Variants in TAFA2 observed in about 807,000 individuals in gnomAD.
The protein encoded by TAFA2 is chemokine-like protein TAFA-2.
Under a neutral mutation model 18.8 loss-of-function variants are expected in TAFA2, and 7 were observed. The observed-to-expected ratio is 0.37, with a 90% CI of 0.21 to 0.70. TAFA2 has a LOEUF of 0.70. TAFA2 is among the 30% of genes least tolerant of loss of function. The pLI is 0.53. For synonymous variants in TAFA2, 60 were observed against 54.2 expected (o/e 1.11, Z -0.47); for missense variants, 122 against 158.1 (o/e 0.77, Z 1.23).
chr12:62,225,579 C>A (rs1250701659), intron 1 of TAFA2, among the ~76,000 whole-genome samples: 1 of 151,682 alleles, frequency 6.6e-6, no homozygotes, highest in Non-Finnish European at 1.5e-5. Flanking sequence ...AAAGCTATTG[C>A]AACATACAAA....
chr12:61,928,255 T>C (rs765489221), intron 1 of TAFA2, among the ~76,000 whole-genome samples: 2 of 152,192 alleles, frequency 1.3e-5, no homozygotes, highest in Non-Finnish European at 2.9e-5. Context: ...TTTTGCAATC[T>C]ATCCATCTGA....
intron 1 of TAFA2, among the ~76,000 whole-genome samples, chr12:62,136,915 C>G (rs1870918492): frequency 6.6e-6 from 1 of 152,064 alleles, no homozygotes; most frequent in South Asian, 2.1e-4. Context: ...TGCATATGCA[C>G]AGAATTTTTC....
intron 1 of TAFA2, among the ~76,000 whole-genome samples, chr12:62,159,416 C>T (rs916083638): frequency 3.3e-5 from 5 of 152,088 alleles, no homozygotes; most frequent in Admixed American, 2.0e-4. Flanking sequence ...TCTTAAGTAT[C>T]TTGTAAGATG....
chr12:61,992,636 T>G (rs1264647491), intron 1 of TAFA2, among the ~76,000 whole-genome samples: 3 of 152,142 alleles, frequency 2.0e-5, no homozygotes, highest in African/African-American at 7.2e-5. Context: ...ATCTTCACCA[T>G]ATACCTAAGG....
chr12:61,814,080 G>A lies in TAFA2; in HGVS notation c.106+53240C>T, dbSNP rs1871981388. Among the ~76,000 whole-genome samples the A allele has an allele frequency of 2.6e-5, 4 of 151,446 alleles. 1 individual carries two copies. The highest frequency in any genetic ancestry group is 4.1e-4 in the South Asian group (2 of 4,826). On this transcript the variant is annotated intron_variant, in intron 2 of 4. Coordinates refer to ENST00000416284, the MANE Select transcript of TAFA2 (RefSeq NM_178539.5). ...GCAAACAATAAGCAGAATCATTGCA[G>A]TTGTGACTATTTCAATAAGGGAAAT...
chr12:61,938,928 G>A (rs765615500), intron 1 of TAFA2, among the ~76,000 whole-genome samples: 1 of 151,806 alleles, frequency 6.6e-6, no homozygotes, highest in Non-Finnish European at 1.5e-5. Flanking sequence ...GGAGGTGGGT[G>A]AGGGATTAAA....
chr12:62,057,232 G>T (rs1882211287), intron 1 of TAFA2, among the ~76,000 whole-genome samples: 1 of 151,978 alleles, frequency 6.6e-6, no homozygotes, highest in Admixed American at 6.6e-5. Context: ...TCCCCCTTTT[G>T]TTTAAGTTCT....
rs2062579529 is a variant in TAFA2, at chr12:62,185,428, C to T, written c.-2+5831G>A. ...TTTCACTCAATTTGACTCAACTTTC[C>T]AAAGAAAATACAAACAAAGCTGGAG... On this transcript the variant is annotated intron_variant, in intron 1 of 4. Transcript: ENST00000416284. Among the ~76,000 whole-genome samples, 3 of 152,030 alleles carry T rather than the reference C, an allele frequency of 2.0e-5. No homozygotes were observed. The South Asian group carries it at 6.2e-4, about 31-fold the overall frequency.
At chr12:62,252,068 C>T (rs770722999) in intron 1 of TAFA2, 3 of 152,234 alleles carry the variant, frequency 2.0e-5, no homozygotes, top group Non-Finnish European at 4.4e-5. Flanking sequence ...TCAATATATG[C>T]TTCCTGATCT....
At chr12:62,147,336 A>G (rs905230124) in intron 1 of TAFA2, among the ~76,000 whole-genome samples, 10,348 of 68,270 alleles carry the variant, frequency 0.15, 782 homozygotes, top group Middle Eastern at 0.2. Context: ...GTATATATAT[A>G]TATATATATA....
intron 2 of TAFA2, among the ~76,000 whole-genome samples, chr12:61,760,071 A>T (rs10877740): frequency 0.44 from 56,217 of 128,568 alleles, 11,637 homozygotes; most frequent in African/African-American, 0.56. Flanking sequence ...TTTCCTGCCC[A>T]GTGCTTTTTT....
At position 62,191,455 on chromosome 12, in the gene TAFA2, G is replaced by C. The variant is rs1486473315; in HGVS notation, c.-198C>G. ...TGAGTGTGGCCCTGAGCGTGCGAGT[G>C]TGCGCGCGCGTGTGTGGATGTGTTT... On this transcript the variant is annotated 5_prime_UTR_variant, in exon 1 of 5. Transcript: ENST00000416284. 1 of 152,642 alleles carries C rather than the reference G, an allele frequency of 6.6e-6. No individual in the cohort carries two copies. Among genetic ancestry groups the C allele is most frequent in the African/African-American group, 2.4e-5 (1 of 41,472 alleles). The allele number at this position is 152,642 out of a possible 1,614,324, so 9.5% of individuals were successfully genotyped here. A position where few individuals can be genotyped will look rare whatever the true frequency, so the allele number is the denominator to read the frequency against.
chr12:62,084,154 T>C (rs1303681181), intron 1 of TAFA2, among the ~76,000 whole-genome samples: 2 of 152,224 alleles, frequency 1.3e-5, no homozygotes, highest in Non-Finnish European at 2.9e-5. Flanking sequence ...GCTACATTTT[T>C]CCAACATTTC....
chr12:61,842,089 A>AT (rs990646495), intron 2 of TAFA2, among the ~76,000 whole-genome samples: 6 of 150,532 alleles, frequency 4.0e-5, no homozygotes, highest in South Asian at 2.1e-4. Flanking sequence ...CCATAAGGAC[A>AT]TTTTTTTTTC....
intron 1 of TAFA2, among the ~76,000 whole-genome samples, chr12:62,197,979 G>A (rs2062655705): frequency 6.6e-6 from 1 of 152,132 alleles, no homozygotes; most frequent in African/African-American, 2.4e-5. Flanking sequence ...GAAATGAAAT[G>A]GCTGGATCAT....
rs371642637 is a variant in TAFA2 at position 61,915,706 on chromosome 12, G to A, written c.-1-48280C>T. Among the ~76,000 whole-genome samples the A allele has an allele frequency of 2.6e-5, 4 of 152,318 alleles. 1 individual carries two copies. The South Asian group carries it at 8.3e-4, about 32-fold the overall frequency. On this transcript the variant is annotated intron_variant, in intron 1 of 4. Coordinates refer to ENST00000416284, the MANE Select transcript of TAFA2 (RefSeq NM_178539.5). Reference sequence around the variant, plus strand: ...AGGGGAAGTTTAAGTCCCAGACTCCGAAAGCCTGATAGTCTGCAGCTCTGA... The same window carrying A: ...AGGGGAAGTTTAAGTCCCAGACTCCAAAAGCCTGATAGTCTGCAGCTCTGA...
intron 1 of TAFA2, among the ~76,000 whole-genome samples, chr12:62,190,108 G>A (rs529542624): frequency 8.5e-5 from 13 of 152,112 alleles, no homozygotes; most frequent in Non-Finnish European, 1.2e-4. Flanking sequence ...ACGCAGCAAA[G>A]GTGAAGAGAG....
At chr12:61,739,504 T>C (rs755747772) in intron 4 of TAFA2, among the ~76,000 whole-genome samples, 3 of 152,120 alleles carry the variant, frequency 2.0e-5, no homozygotes, top group Admixed American at 6.6e-5. Flanking sequence ...ATGTTATGAA[T>C]ATTTATCTTT....
intron 2 of TAFA2, among the ~76,000 whole-genome samples, chr12:61,785,355 G>GTGTT (rs764543818): frequency 1.6e-5 from 2 of 127,394 alleles, no homozygotes; most frequent in South Asian, 2.6e-4. Context: ...GTGTGTGTGT[G>GTGTT]TGTGTTTGTG....
Sources: gnomAD v4.1 joint callset for allele counts (sites outside exome capture counted in the v4.1 genomes callset) on GRCh38, gnomAD v4.1.1 for gene constraint, MANE v1.5 for transcripts, NCBI Gene and HGNC (gene_info 2026-07-23, HGNC 2026-07-21) for gene names.